PCDHA5: variants seen among roughly 807,000 people sequenced by gnomAD.
PCDHA5 encodes protocadherin alpha-5.
PCDHA5 carries 43 observed loss-of-function variants against 61.6 expected under a neutral mutation model. The observed-to-expected ratio is 0.70, with a 90% CI of 0.55 to 0.90. PCDHA5 has a LOEUF of 0.90. Ranked by LOEUF, PCDHA5 falls within the 40% of genes least tolerant of loss-of-function variation. The pLI is 0.00. For synonymous variants in PCDHA5, 627 were observed against 543.9 expected, an observed-to-expected ratio of 1.15 and a Z score of -2.13; for missense variants, 1,298 against 1,222.7, an observed-to-expected ratio of 1.06 and a Z score of -0.92.
chr5:140,862,537 C>G (rs56017024), intron 1 of PCDHA5: 1 of 440,558 alleles, frequency 2.3e-6, no homozygotes, highest in Non-Finnish European at 4.6e-6. Context: ...CCATCGGGTC[C>G]GTGGAAGTGG....
At chr5:140,974,105 A>G (rs1173287678) in intron 1 of PCDHA5, among the ~76,000 whole-genome samples, 1 of 152,246 alleles carries the variant, frequency 6.6e-6, no homozygotes, top group African/African-American at 2.4e-5. Context: ...GGTTAAAAGT[A>G]TTCTTTTGCA....
At chr5:140,975,765 CAG>C (rs1179625862) in intron 1 of PCDHA5, among the ~76,000 whole-genome samples, 1 of 152,220 alleles carries the variant, frequency 6.6e-6, no homozygotes, top group Non-Finnish European at 1.5e-5. Flanking sequence ...TCATAAATCA[CAG>C]ATAATACCAT....
At chr5:141,005,313 T>C (rs1157761147) in intron 3 of PCDHA5, among the ~76,000 whole-genome samples, 1 of 151,958 alleles carries the variant, frequency 6.6e-6, no homozygotes, top group Non-Finnish European at 1.5e-5. Flanking sequence ...AATCTTACAG[T>C]GGTAGAGAAT....
intron 1 of PCDHA5, chr5:140,866,524 A>G (rs1232306409): frequency 2.0e-5 from 3 of 152,186 alleles, no homozygotes; most frequent in Non-Finnish European, 2.9e-5. Context: ...AAGCCATGAT[A>G]GAGCAGAATT....
chr5:140,836,169 G>T (rs1386598071), intron 1 of PCDHA5: 1 of 1,613,722 alleles, frequency 6.2e-7, no homozygotes, highest in East Asian at 2.2e-5. Flanking sequence ...GAAGGTACGT[G>T]CAGTTGACGC....
intron 1 of PCDHA5, among the ~76,000 whole-genome samples, chr5:140,940,131 G>A (rs1443086111): frequency 7.2e-5 from 11 of 152,092 alleles, no homozygotes; most frequent in African/African-American, 2.4e-4. Context: ...ATTTCTGCTA[G>A]TGATAAACTA....
chr5:140,903,768 T>C (rs1211667697), intron 1 of PCDHA5, among the ~76,000 whole-genome samples: 1 of 152,212 alleles, frequency 6.6e-6, no homozygotes, highest in Non-Finnish European at 1.5e-5. Flanking sequence ...TGCTGAACTT[T>C]TCTATCCATA....
At chr5:140,858,851 A>G in intron 1 of PCDHA5, 1 of 282,254 alleles carries the variant, frequency 3.5e-6, no homozygotes, top group Non-Finnish European at 6.7e-6. Flanking sequence ...ACTGATCTAT[A>G]TCTCTTCAGT....
At chr5:140,939,411 AT>A (rs797027145) in intron 1 of PCDHA5, among the ~76,000 whole-genome samples, 1 of 152,050 alleles carries the variant, frequency 6.6e-6, no homozygotes, top group East Asian at 1.9e-4. Context: ...GTAAATCAGC[AT>A]TTTTTTCTTC....
chr5:140,853,613 A>G, intron 1 of PCDHA5: 1 of 988,108 alleles, frequency 1.0e-6, no homozygotes, highest in Non-Finnish European at 1.2e-6. Context: ...GGGGTGCTGT[A>G]AATAAGTATA....
chr5:140,995,998 C>T (rs1197239441), intron 3 of PCDHA5, among the ~76,000 whole-genome samples: 1 of 152,192 alleles, frequency 6.6e-6, no homozygotes, highest in Non-Finnish European at 1.5e-5. Context: ...TCAAAAATGT[C>T]GTCAGAACTA....
At chr5:140,917,330 AG>A (rs1425400137) in intron 1 of PCDHA5, among the ~76,000 whole-genome samples, 1,705 of 103,254 alleles carry the variant, frequency 0.017, 125 homozygotes, top group African/African-American at 0.055. Context: ...GTGGCGGGGG[AG>A]GGGGGGGATG....
In PCDHA5 at chr5:141,011,117, C is replaced by A. The variant is rs1301385116; in HGVS notation, c.*1180C>A. The A allele has an allele frequency of 1.3e-5, 2 of 153,590 alleles. No homozygotes were observed. The highest frequency in any genetic ancestry group is 2.4e-5 in the African/African-American group (1 of 41,402). The allele number at this position is 153,590 out of a possible 1,614,324, so 9.5% of individuals were successfully genotyped here. The stretch of plus-strand genomic sequence containing the variant: ...CTCTCTCTCTCTCTTTTCTAAGAAA[C>A]AATTATGTGCACTTTGATACACAAC... On this transcript the variant is annotated 3_prime_UTR_variant, in exon 4 of 4. Coordinates refer to ENST00000529859, the MANE Select transcript of PCDHA5 (RefSeq NM_018908.3).
intron 3 of PCDHA5, among the ~76,000 whole-genome samples, chr5:141,006,502 C>T (rs987435396): frequency 1.8e-4 from 28 of 152,118 alleles, no homozygotes; most frequent in African/African-American, 2.9e-4. Context: ...TGTGAGCCAC[C>T]GCGCCTGGCT....
chr5:140,834,672 G>T, intron 1 of PCDHA5: 1 of 1,614,242 alleles, frequency 6.2e-7, no homozygotes, highest in Non-Finnish European at 8.5e-7. Flanking sequence ...GGAGCTGTGC[G>T]GGCGGAGCGC....
chr5:140,970,019 A>G (rs1385793747), intron 1 of PCDHA5, among the ~76,000 whole-genome samples: 2 of 152,212 alleles, frequency 1.3e-5, no homozygotes, highest in Non-Finnish European at 2.9e-5. Context: ...ATGGTGAGGC[A>G]GAGAGATTAA....
At position 140,850,766 on chromosome 5, in the gene PCDHA5, G is replaced by A. The variant is rs2150497576; in HGVS notation, c.2352+26639G>A. The A allele has an allele frequency of 3.1e-6, 5 of 1,598,074 alleles. No homozygotes were observed. In the South Asian group the frequency reaches 4.4e-5, roughly 14 times the overall value. On this transcript the variant is annotated intron_variant, in intron 1 of 3. Coordinates refer to ENST00000529859, the MANE Select transcript of PCDHA5 (RefSeq NM_018908.3). ...CGTACTCGCAGCAGAGGAGGCAGAG[G>A]GTGTGCTCTGGCGAGGGTAAGCAGA...
chr5:140,822,108 G>A lies in PCDHA5; in HGVS notation c.333G>A (p.Arg111=). The A allele has an allele frequency of 6.2e-7, 1 of 1,614,266 alleles. No individual in the cohort carries two copies. The highest frequency in any genetic ancestry group is 8.5e-7 in the Non-Finnish European group (1 of 1,180,052). Residue 111 remains arginine, a synonymous_variant, in exon 1 of 4, where the codon AGG becomes AGA. Coordinates refer to ENST00000529859, the MANE Select transcript of PCDHA5 (RefSeq NM_018908.3). ...TCCACCTGGAGGTGATCGTGGACAGGCCGCTGCAGGTTTTCCATGTGGAGG... is the reference window on the plus strand; with the variant it reads ...TCCACCTGGAGGTGATCGTGGACAGACCGCTGCAGGTTTTCCATGTGGAGG... ...CSIHLEVIVD[R]PLQVFHVEVA...
intron 1 of PCDHA5, chr5:140,848,514 G>A (rs1356493144): frequency 6.3e-7 from 1 of 1,590,674 alleles, no homozygotes; most frequent in Non-Finnish European, 8.6e-7. Context: ...CTCAAGTCGA[G>A]GAGATCCAGA....
Sources: allele counts gnomAD v4.1 joint callset (sites outside exome capture counted in the v4.1 genomes callset), GRCh38; gene constraint gnomAD v4.1.1; transcripts MANE v1.5; gene names NCBI Gene and HGNC (gene_info 2026-07-23, HGNC 2026-07-21).